Variants in NACC2 observed in about 807,000 individuals in gnomAD.
NACC2 encodes the protein nucleus accumbens-associated protein 2.
Under a neutral mutation model 25.1 loss-of-function variants are expected in NACC2, and 8 were observed. That is an observed-to-expected ratio of 0.32 (90% CI 0.19 to 0.57). The LOEUF (loss-of-function observed/expected upper bound fraction) is 0.57, where lower values mean the gene tolerates loss of function less well. Ranked by LOEUF, NACC2 falls within the 20% of genes least tolerant of loss-of-function variation. The pLI is 0.89. For missense variants in NACC2, 644 were observed against 650.2 expected, an observed-to-expected ratio of 0.99 and a Z score of 0.10; for synonymous variants, 435 against 294.7, an observed-to-expected ratio of 1.48 and a Z score of -4.88.
chr9:136,029,973 G>A (rs567016026), intron 2 of NACC2, among the ~76,000 whole-genome samples: 9 of 152,294 alleles, frequency 5.9e-5, no homozygotes, highest in South Asian at 2.1e-4. Context: ...AGGCACCACC[G>A]GCCACAGAGG....
rs1040458135 is a variant in NACC2, at chr9:136,020,314, C to T, written c.887-3885G>A. ...GATTGGGTTCTGAGGTGCTCCACGTCCTCACCAGGCAAAACACCCCGAGAT... is the reference window on the plus strand; with the variant it reads ...GATTGGGTTCTGAGGTGCTCCACGTTCTCACCAGGCAAAACACCCCGAGAT... On this transcript the variant is annotated intron_variant, in intron 2 of 5. Coordinates refer to ENST00000277554, the MANE Select transcript of NACC2 (RefSeq NM_144653.5). This position sits in a 1 kb window ranked among gnomAD's most constrained non-coding sequence, Gnocchi z 4.7. 9.4e-4 allele frequency among the ~76,000 whole-genome samples: 143 copies of T among 152,288 alleles called. 1 individual carries two copies. The highest frequency in any genetic ancestry group is 3.2e-3 in the African/African-American group (135 of 41,544).
Position 136,050,058 on chromosome 9 carries a change from G to A in NACC2, c.464C>T (p.Ala155Val), listed in dbSNP as rs1358253163. ...PCNQLQPAAA[A>V]AAPYVVSPSV... ...GGGGGACACGACGTAGGGGGCCGCG[G>A]CGGCGGCGGCCGGCTGCAGCTGGTT... Residue 155 changes from alanine to valine, a missense_variant, in exon 2 of 6, where the codon GCC becomes GTC. Transcript: ENST00000277554. The A allele has an allele frequency of 1.6e-5, 11 of 689,582 alleles. No homozygotes were observed. Among genetic ancestry groups the A allele is most frequent in the Non-Finnish European group, 3.0e-5 (11 of 370,286 alleles). The allele number at this position is 689,582 out of a possible 1,614,324, so 42.7% of individuals were successfully genotyped here.
chr9:136,048,559 TA>T (rs888242581), intron 2 of NACC2, among the ~76,000 whole-genome samples: 5 of 152,342 alleles, frequency 3.3e-5, no homozygotes, highest in African/African-American at 7.2e-5. Flanking sequence ...CACAGCAATA[TA>T]CATTTAAACC....
chr9:136,074,970 A>G (rs1409975005), intron 1 of NACC2, among the ~76,000 whole-genome samples: 1 of 152,036 alleles, frequency 6.6e-6, no homozygotes, highest in Non-Finnish European at 1.5e-5. Flanking sequence ...TCCCCCACTC[A>G]CTGTCGCGTA....
intron 2 of NACC2, among the ~76,000 whole-genome samples, chr9:136,028,222 A>C (rs1198872390): frequency 6.6e-6 from 1 of 152,052 alleles, no homozygotes; most frequent in Non-Finnish European, 1.5e-5. Context: ...AAAAAAAAAA[A>C]AAAAAAATTG....
At chr9:136,057,020 C>G (rs1840934847) in intron 1 of NACC2, among the ~76,000 whole-genome samples, 1 of 152,202 alleles carries the variant, frequency 6.6e-6, no homozygotes, top group South Asian at 2.1e-4. Context: ...GCCCCCAGCC[C>G]CCACCCCCAG....
intron 1 of NACC2, among the ~76,000 whole-genome samples, chr9:136,080,344 C>T (rs1045703008): frequency 6.6e-6 from 1 of 152,194 alleles, no homozygotes; most frequent in African/African-American, 2.4e-5. Context: ...CATCCAAAAC[C>T]CAACCCAGGT....
chr9:136,046,146 T>G (rs1477672789), intron 2 of NACC2, among the ~76,000 whole-genome samples: 1 of 152,164 alleles, frequency 6.6e-6, no homozygotes, highest in Non-Finnish European at 1.5e-5. Flanking sequence ...CCTCCTGCTC[T>G]CTGGAGGGGC....
At chr9:136,078,448 T>C (rs1028681905) in intron 1 of NACC2, among the ~76,000 whole-genome samples, 4 of 152,104 alleles carry the variant, frequency 2.6e-5, no homozygotes, top group Non-Finnish European at 5.9e-5. Context: ...TTAATACAGG[T>C]TTTTCCATTT....
intron 2 of NACC2, among the ~76,000 whole-genome samples, chr9:136,017,155 G>C (rs1380816511): frequency 2.0e-5 from 3 of 152,294 alleles, no homozygotes; most frequent in East Asian, 1.9e-4. Flanking sequence ...CCCTCCTGCT[G>C]TCTGGGGCTG....
chr9:136,071,483 T>C (rs571346693), intron 1 of NACC2, among the ~76,000 whole-genome samples: 24 of 141,108 alleles, frequency 1.7e-4, no homozygotes, highest in African/African-American at 6.4e-4. Flanking sequence ...GTGGAGGTTG[T>C]ACTGAGCTGA....
chr9:136,089,704 T>C (rs1286216786), intron 1 of NACC2, among the ~76,000 whole-genome samples: 11 of 151,892 alleles, frequency 7.2e-5, no homozygotes, highest in Non-Finnish European at 1.6e-4. Context: ...GAGTGAGTCA[T>C]GTTCTTCTAC....
Position 136,055,813 on chromosome 9 carries a change from C to G in NACC2, c.-59-5233G>C, listed in dbSNP as rs1029057814. ...AGAGTCCCTCTACCCCGAGCCCCGGCCCCTGGTGGAGACTGCCTGGCAGTT... is the reference window on the plus strand; with the variant it reads ...AGAGTCCCTCTACCCCGAGCCCCGGGCCCTGGTGGAGACTGCCTGGCAGTT... On this transcript the variant is annotated intron_variant, in intron 1 of 5. Transcript: ENST00000277554. The surrounding 1 kb of genome is among the most constrained non-coding windows in gnomAD (Gnocchi z 4.9). 1.3e-5 allele frequency among the ~76,000 whole-genome samples: 2 copies of G among 152,088 alleles called. No homozygotes were observed. Among genetic ancestry groups the G allele is most frequent in the Non-Finnish European group, 2.9e-5 (2 of 68,026 alleles).
intron 1 of NACC2, among the ~76,000 whole-genome samples, chr9:136,077,007 A>G (rs1564241031): frequency 6.6e-6 from 1 of 151,740 alleles, no homozygotes; most frequent in Admixed American, 6.6e-5. Context: ...CTCTGTCTCA[A>G]AAATAAATAA....
chr9:136,047,231 G>A (rs1840743762), intron 2 of NACC2, among the ~76,000 whole-genome samples: 1 of 152,178 alleles, frequency 6.6e-6, no homozygotes, highest in South Asian at 2.1e-4. Flanking sequence ...AGGGCACGGG[G>A]AGCTAGCACC....
intron 1 of NACC2, among the ~76,000 whole-genome samples, chr9:136,094,475 G>C (rs1201780643): frequency 2.0e-5 from 3 of 152,062 alleles, no homozygotes; most frequent in African/African-American, 7.2e-5. Context: ...TGGCCGTGCG[G>C]GGTGCGCGGC....
chr9:136,017,196 C>T (rs1840216446), intron 2 of NACC2, among the ~76,000 whole-genome samples: 1 of 152,164 alleles, frequency 6.6e-6, no homozygotes, highest in African/African-American at 2.4e-5. Context: ...GGGCAGATGA[C>T]GGCCAGGCGC....
At chr9:136,088,698 G>C (rs1830403819) in intron 1 of NACC2, among the ~76,000 whole-genome samples, 1 of 152,176 alleles carries the variant, frequency 6.6e-6, no homozygotes, top group South Asian at 2.1e-4. Flanking sequence ...CTGAGACACA[G>C]GGAGGCAAAG....
chr9:136,063,889 A>C (rs919698521), intron 1 of NACC2, among the ~76,000 whole-genome samples: 17 of 151,972 alleles, frequency 1.1e-4, no homozygotes, highest in East Asian at 1.9e-4. Context: ...ATCTCAAAAA[A>C]AAAAAAAACA....
Sources: gnomAD v4.1 joint callset for allele counts (sites outside exome capture counted in the v4.1 genomes callset) on GRCh38, gnomAD v4.1.1 for gene constraint, Gnocchi (gnomAD v3.1) non-coding constraint, MANE v1.5 for transcripts, NCBI Gene and HGNC (gene_info 2026-07-23, HGNC 2026-07-21) for gene names.